The following TMPRSS15 variants were observed in gnomAD, a reference collection of about 807,000 sequenced individuals.
The protein encoded by TMPRSS15 is enteropeptidase.
TMPRSS15 carries 128 observed loss-of-function variants against 125.3 expected under a neutral mutation model. The ratio of observed to expected loss-of-function variants is 1.02; its 90% CI spans 0.89 to 1.18. The LOEUF is 1.18. TMPRSS15 is among the 50% of genes most tolerant of loss of function. The pLI, the probability that TMPRSS15 is intolerant of heterozygous loss-of-function variation, is 0.00. For synonymous variants in TMPRSS15, 446 were observed against 423.2 expected, an observed-to-expected ratio of 1.05 and a Z score of -0.66; for missense variants, 1,283 against 1,212.7, an observed-to-expected ratio of 1.06 and a Z score of -0.86.
chr21:18,465,434 T>G (rs1484622934), intron 1 of TMPRSS15, among the ~76,000 whole-genome samples: 5 of 152,136 alleles, frequency 3.3e-5, no homozygotes, highest in Admixed American at 3.3e-4. Context: ...GAGAAAGGAA[T>G]AAAGGGTATT....
chr21:18,457,670 T>C (rs555176813), intron 1 of TMPRSS15, among the ~76,000 whole-genome samples: 51 of 152,244 alleles, frequency 3.3e-4, no homozygotes, highest in African/African-American at 1.2e-3. Context: ...GTTGGGCTAA[T>C]AAGAAATGGG....
intron 3 of TMPRSS15, among the ~76,000 whole-genome samples, chr21:18,393,488 CT>C (rs1289290450): frequency 6.6e-6 from 1 of 152,130 alleles, no homozygotes; most frequent in Non-Finnish European, 1.5e-5. Flanking sequence ...GTATGAATCT[CT>C]TTCTTTTGTT....
chr21:18,362,751 T>C (rs903265342), intron 7 of TMPRSS15, among the ~76,000 whole-genome samples: 2 of 152,180 alleles, frequency 1.3e-5, no homozygotes, highest in Non-Finnish European at 2.9e-5. Context: ...CACTTTACAT[T>C]CATTATCATA....
chr21:18,364,706 G>A (rs1023200935), intron 7 of TMPRSS15, among the ~76,000 whole-genome samples: 4 of 152,294 alleles, frequency 2.6e-5, no homozygotes, highest in Non-Finnish European at 4.4e-5. Flanking sequence ...TATAGAGGCT[G>A]TTCCCTGCTC....
chr21:18,312,821 T>G lies in TMPRSS15; in HGVS notation c.2165+124A>C, dbSNP rs1423449430. 2.9e-5 allele frequency: 37 copies of G among 1,276,896 alleles called. 1 individual carries two copies. In the Admixed American group the frequency reaches 8.4e-4, roughly 29 times the overall value. 79.1% of individuals were successfully genotyped at this position (1,276,896 alleles called of 1,614,324 possible). ...TTAATCAAGATTTTTATTTTCTCCC[T>G]TTTGCTAATGTGTATTTTCTAAATT... On this transcript the variant is annotated intron_variant, in intron 18 of 24. Transcript: ENST00000284885.
chr21:18,379,293 C>A lies in TMPRSS15; in HGVS notation c.522G>T (p.Leu174=). Residue 174 remains leucine (L), a synonymous_variant, in exon 5 of 25, where the codon CTG becomes CTT. Coordinates refer to ENST00000284885, the MANE Select transcript of TMPRSS15 (RefSeq NM_002772.3). ...ILDKLTTTSH[L]ATPGNVSIEC... ...ATTATTAAAACTGACCTGGAGTTGC[C>A]AGATGACTGGTGGTTGTTAGCTTGT... 1 of 1,334,886 alleles carries A rather than the reference C, an allele frequency of 7.5e-7. No individual in the cohort carries two copies. The highest frequency in any genetic ancestry group is 9.8e-7 in the Non-Finnish European group (1 of 1,016,830). 82.7% of individuals were successfully genotyped at this position (1,334,886 alleles called of 1,614,324 possible).
At chr21:18,449,106 C>T (rs1175655980) in intron 1 of TMPRSS15, among the ~76,000 whole-genome samples, 1 of 152,114 alleles carries the variant, frequency 6.6e-6, no homozygotes, top group African/African-American at 2.4e-5. Context: ...AAAGCTGTTG[C>T]TCATTTTGTT....
At chr21:18,362,316 T>C (rs994449065) in intron 7 of TMPRSS15, among the ~76,000 whole-genome samples, 1 of 152,162 alleles carries the variant, frequency 6.6e-6, no homozygotes, top group African/African-American at 2.4e-5. Context: ...ATTTCTTAAC[T>C]AAAGTTCTGG....
At chr21:18,428,111 TAAC>T (rs1216869440) in intron 1 of TMPRSS15, among the ~76,000 whole-genome samples, 1 of 152,228 alleles carries the variant, frequency 6.6e-6, no homozygotes, top group Non-Finnish European at 1.5e-5. Context: ...TGATATTACT[TAAC>T]AATTAAAAAT....
intron 18 of TMPRSS15, among the ~76,000 whole-genome samples, chr21:18,311,451 A>G (rs766628596): frequency 6.6e-6 from 1 of 152,240 alleles, no homozygotes; most frequent in Non-Finnish European, 1.5e-5. Context: ...CATTTCTCAA[A>G]AAAAGACATA....
chr21:18,341,613 C>G, intron 12 of TMPRSS15, 65 bp from the exon 13 acceptor site: 1 of 1,542,742 alleles, frequency 6.5e-7, no homozygotes, highest in Non-Finnish European at 9.0e-7. Flanking sequence ...CTTGATTCTT[C>G]TTGTGAGCCC....
At chr21:18,440,623 T>C (rs146732992) in intron 1 of TMPRSS15, among the ~76,000 whole-genome samples, 1 of 152,082 alleles carries the variant, frequency 6.6e-6, no homozygotes, top group African/African-American at 2.4e-5. Flanking sequence ...TTTTCAAGGT[T>C]TGAAATTCTT....
intron 1 of TMPRSS15, among the ~76,000 whole-genome samples, chr21:18,450,874 T>C (rs532964348): frequency 6.6e-6 from 1 of 152,314 alleles, no homozygotes; most frequent in Admixed American, 6.5e-5. Flanking sequence ...TTGATTCATA[T>C]ATACACCGTC....
At chr21:18,333,489 C>CT (rs2075363965) in intron 13 of TMPRSS15, among the ~76,000 whole-genome samples, 1 of 152,114 alleles carries the variant, frequency 6.6e-6, no homozygotes. Flanking sequence ...TTACCACTCT[C>CT]TAACAAGAAA....
At chr21:18,393,057 G>A (rs899019793) in intron 3 of TMPRSS15, among the ~76,000 whole-genome samples, 4 of 152,142 alleles carry the variant, frequency 2.6e-5, no homozygotes, top group African/African-American at 9.7e-5. Flanking sequence ...AAAGCAGGAT[G>A]GTTTTGAGGG....
intron 1 of TMPRSS15, among the ~76,000 whole-genome samples, chr21:18,457,273 G>A (rs1978460440): frequency 6.6e-6 from 1 of 152,094 alleles, no homozygotes; most frequent in Admixed American, 6.6e-5. Flanking sequence ...ATGAAAGACA[G>A]CATGTGAATG....
At chr21:18,479,311 C>A (rs948474618) in intron 1 of TMPRSS15, among the ~76,000 whole-genome samples, 1 of 151,968 alleles carries the variant, frequency 6.6e-6, no homozygotes, top group African/African-American at 2.4e-5. Context: ...ATTTTAATGT[C>A]AAATGTGGCA....
chr21:18,294,225 C>T (rs766240376), intron 21 of TMPRSS15, 45 bp downstream of exon 21: 5 of 1,611,626 alleles, frequency 3.1e-6, no homozygotes, highest in Middle Eastern at 1.9e-4. Context: ...GCAGTGTCTG[C>T]TGTGGTGACC....
rs183974990 is a variant in TMPRSS15 at position 18,485,803 on chromosome 21, C to T, written c.6G>A (p.Trp2Ter). The change falls in exon 1 of 8, where the codon TGG becomes TGA. Residue 2 changes from tryptophan (W) to a stop codon, truncating the protein, a stop_gained. Coordinates refer to the TMPRSS15 transcript ENST00000422787. LOFTEE classifies it high-confidence loss of function. ...AAAGAGGTTTAATTGACTCACAGTT[C>T]CACATGGCTGGAGAGGCCTCACAAT... 1.5e-3 allele frequency: 249 copies of T among 163,600 alleles called. No homozygotes were observed. Among genetic ancestry groups the T allele is most frequent in the Non-Finnish European group, 2.4e-3 (184 of 76,062 alleles). The allele number at this position is 163,600 out of a possible 1,614,324, so 10.1% of individuals were successfully genotyped here. A position where few individuals can be genotyped will look rare whatever the true frequency, so the allele number is the denominator to read the frequency against.
Sources: allele counts gnomAD v4.1 joint callset (sites outside exome capture counted in the v4.1 genomes callset), GRCh38; gene constraint gnomAD v4.1.1; transcripts MANE v1.5; gene names NCBI Gene and HGNC (gene_info 2026-07-23, HGNC 2026-07-21).